The following OPRM1 variants were observed in gnomAD, a reference collection of about 807,000 sequenced individuals.
OPRM1 encodes mu-type opioid receptor.
Under a neutral mutation model 31.8 loss-of-function variants are expected in OPRM1, and 27 were observed. The observed-to-expected ratio is 0.85, with a 90% CI of 0.63 to 1.17. OPRM1 has a LOEUF of 1.17. OPRM1 is among the 50% of genes most tolerant of loss of function. The pLI, the probability that OPRM1 is intolerant of heterozygous loss-of-function variation, is 0.00. For missense variants in OPRM1, 536 were observed against 511.1 expected (o/e 1.05, Z -0.47); for synonymous variants, 196 against 189.9 (o/e 1.03, Z -0.26).
rs187494376 is a variant in OPRM1 at position 154,127,719 on chromosome 6, A to G, written c.*8998A>G. The stretch of plus-strand genomic sequence containing the variant: ...TCCAATATCCTGACTAGCACAAGAA[A>G]TCCATAGGTTGATTCTTGTTCTCCT... On this transcript the variant is annotated 3_prime_UTR_variant, in exon 4 of 4. Transcript: ENST00000330432. Among the ~76,000 whole-genome samples, 1 of 152,360 alleles carries G rather than the reference A, an allele frequency of 6.6e-6. No individual in the cohort carries two copies. The highest frequency in any genetic ancestry group is 2.4e-5 in the African/African-American group (1 of 41,588).
chr6:154,220,144 G>T (rs1778748478), intron 3 of OPRM1, among the ~76,000 whole-genome samples: 1 of 152,106 alleles, frequency 6.6e-6, no homozygotes, highest in Non-Finnish European at 1.5e-5. Context: ...AGTAAAACAG[G>T]TTAAGCGTAA....
At chr6:154,107,336 T>C in intron 3 of OPRM1, 1 of 619,938 alleles carries the variant, frequency 1.6e-6, no homozygotes, top group East Asian at 2.7e-5. Context: ...CCGGTATTTC[T>C]GGCTTTTGAA....
chr6:154,224,058 T>A (rs1779067651), intron 3 of OPRM1, among the ~76,000 whole-genome samples: 1 of 152,246 alleles, frequency 6.6e-6, no homozygotes, highest in Non-Finnish European at 1.5e-5. Context: ...AGCTAGATTG[T>A]TCGTCACCCA....
chr6:154,216,629 G>T (rs1397573907), intron 3 of OPRM1, among the ~76,000 whole-genome samples: 2 of 152,186 alleles, frequency 1.3e-5, no homozygotes, highest in Non-Finnish European at 2.9e-5. Context: ...CAGCACTTTG[G>T]GAGGCCAAGG....
At chr6:154,076,950 A>G (rs1438314475) in intron 1 of OPRM1, among the ~76,000 whole-genome samples, 2 of 152,188 alleles carry the variant, frequency 1.3e-5, no homozygotes, top group Non-Finnish European at 2.9e-5. Context: ...TTTTGCTGAA[A>G]AGTAAAATAG....
intron 3 of OPRM1, chr6:154,154,363 ATAAG>A (rs749533691): frequency 1.3e-4 from 20 of 152,350 alleles, no homozygotes; most frequent in South Asian, 4.1e-4. Context: ...CCTAGAAATA[ATAAG>A]TAATACAATG....
intron 3 of OPRM1, among the ~76,000 whole-genome samples, chr6:154,222,444 T>A (rs1386313105): frequency 6.6e-6 from 1 of 152,176 alleles, no homozygotes; most frequent in East Asian, 1.9e-4. Flanking sequence ...CTGATAAGAC[T>A]GGAAAAGATG....
intron 3 of OPRM1, among the ~76,000 whole-genome samples, chr6:154,198,631 TACACACACACACAC>T (rs3070838): frequency 2.0e-3 from 300 of 146,804 alleles, no homozygotes; most frequent in Admixed American, 4.2e-3. Context: ...AAATATTACA[TACACACACACACAC>T]ACACACACAC....
chr6:154,029,869 G>A (rs1778911963), intron 1 of OPRM1, among the ~76,000 whole-genome samples: 1 of 152,150 alleles, frequency 6.6e-6, no homozygotes, highest in African/African-American at 2.4e-5. Flanking sequence ...TGTGAAGAAG[G>A]ACATGTTTGC....
intron 3 of OPRM1, among the ~76,000 whole-genome samples, chr6:154,152,606 T>A (rs1172198047): frequency 6.6e-6 from 1 of 151,920 alleles, no homozygotes; most frequent in East Asian, 1.9e-4. Context: ...TGCTTGATGA[T>A]ACTTGATTCT....
chr6:154,244,489 C>A (rs1780875434), intron 3 of OPRM1, among the ~76,000 whole-genome samples: 1 of 152,212 alleles, frequency 6.6e-6, no homozygotes, highest in Non-Finnish European at 1.5e-5. Flanking sequence ...CAAGTACATG[C>A]TTTGCAACCT....
rs576098664 is a variant in OPRM1, at chr6:154,065,212, C to T, written c.291-24614C>T. 1.9e-4 allele frequency among the ~76,000 whole-genome samples: 28 copies of T among 150,184 alleles called. No individual in the cohort carries two copies. The East Asian group carries it at 2.0e-3, about 11-fold the overall frequency. On this transcript the variant is annotated intron_variant, in intron 1 of 3. Coordinates refer to ENST00000330432, the MANE Select transcript of OPRM1 (RefSeq NM_000914.5). ...GTCACCACACTGGGGTACAGTGGCACGATCTCGGCTCACTGCAACCTCCAC... is the reference window on the plus strand; with the variant it reads ...GTCACCACACTGGGGTACAGTGGCATGATCTCGGCTCACTGCAACCTCCAC...
chr6:154,136,338 C>T (rs1231351370), downstream of OPRM1, among the ~76,000 whole-genome samples: 7 of 152,212 alleles, frequency 4.6e-5, no homozygotes, highest in East Asian at 3.9e-4. Context: ...ATATTTAATA[C>T]GAAGAACACT....
upstream of OPRM1, chr6:154,039,217 G>T (rs760385507): frequency 5.8e-6 from 9 of 1,551,638 alleles, no homozygotes; most frequent in African/African-American, 1.4e-5. Context: ...ATCGCTTTGC[G>T]CAAAATCCAC....
At chr6:154,243,527 T>C (rs1780767504) in intron 3 of OPRM1, among the ~76,000 whole-genome samples, 1 of 152,182 alleles carries the variant, frequency 6.6e-6, no homozygotes, top group African/African-American at 2.4e-5. Context: ...GAGGTGAGGC[T>C]GGTCTTCCCA....
At chr6:154,047,438 TTCTCTCTCTC>T (rs61704475) in intron 1 of OPRM1, among the ~76,000 whole-genome samples, 12 of 146,506 alleles carry the variant, frequency 8.2e-5, no homozygotes, top group African/African-American at 2.0e-4. Context: ...GTGGGCAAAA[TTCTCTCTCTC>T]TCTCTCTCTC....
At chr6:154,069,520 A>G (rs1786188665) in intron 1 of OPRM1, among the ~76,000 whole-genome samples, 1 of 152,188 alleles carries the variant, frequency 6.6e-6, no homozygotes, top group Non-Finnish European at 1.5e-5. Context: ...TACAGGCATG[A>G]GCCACCGCGC....
At chr6:154,027,103 G>C (rs1247042442) in intron 1 of OPRM1, among the ~76,000 whole-genome samples, 1 of 152,070 alleles carries the variant, frequency 6.6e-6, no homozygotes, top group Non-Finnish European at 1.5e-5. Flanking sequence ...GTCCATCTTG[G>C]GAAGTCTTTC....
At chr6:154,060,450 T>G (rs1784169875) in intron 1 of OPRM1, among the ~76,000 whole-genome samples, 1 of 152,222 alleles carries the variant, frequency 6.6e-6, no homozygotes, top group Non-Finnish European at 1.5e-5. Context: ...GGGTCACTTA[T>G]GAAAAGTATG....
Sources: allele counts gnomAD v4.1 joint callset (sites outside exome capture counted in the v4.1 genomes callset), GRCh38; gene constraint gnomAD v4.1.1; transcripts MANE v1.5; gene names NCBI Gene and HGNC (gene_info 2026-07-23, HGNC 2026-07-21).